Variants in SPATA6L observed in about 807,000 individuals in gnomAD.
SPATA6L encodes the protein spermatogenesis associated 6-like protein.
SPATA6L carries 68 observed loss-of-function variants against 49.2 expected under a neutral mutation model. That is an observed-to-expected ratio of 1.38 (90% CI 1.14 to 1.69). The LOEUF (loss-of-function observed/expected upper bound fraction) is 1.69. Ranked by LOEUF, SPATA6L falls within the 40% of genes most tolerant of loss-of-function variation. SPATA6L has a pLI of 0.00. For missense variants in SPATA6L, 668 were observed against 464.3 expected, an observed-to-expected ratio of 1.44 and a Z score of -4.03; for synonymous variants, 198 against 165.7, an observed-to-expected ratio of 1.19 and a Z score of -1.50.
At chr9:4,655,763 C>A (rs1011007952) in intron 3 of SPATA6L, among the ~76,000 whole-genome samples, 4 of 152,120 alleles carry the variant, frequency 2.6e-5, no homozygotes, top group African/African-American at 9.7e-5. Flanking sequence ...GCTGACCAGG[C>A]TGGTCTCAAA....
At chr9:4,609,426 A>C (rs1214839619) in intron 9 of SPATA6L, among the ~76,000 whole-genome samples, 1 of 152,240 alleles carries the variant, frequency 6.6e-6, no homozygotes, top group Non-Finnish European at 1.5e-5. Context: ...ATCCAGCAGC[A>C]CATCAAAAAG....
chr9:4,637,810 G>A (rs1255042162), intron 3 of SPATA6L, among the ~76,000 whole-genome samples: 3 of 152,112 alleles, frequency 2.0e-5, no homozygotes, highest in African/African-American at 7.2e-5. Context: ...AAGATAACTT[G>A]CTTAAGTTCC....
At chr9:4,631,110 C>T (rs1831442665) in intron 4 of SPATA6L, among the ~76,000 whole-genome samples, 1 of 152,206 alleles carries the variant, frequency 6.6e-6, no homozygotes, top group Admixed American at 6.5e-5. Context: ...GACCTCCACT[C>T]CTTGCAATGA....
downstream of SPATA6L, among the ~76,000 whole-genome samples, chr9:4,593,488 G>T (rs301441): frequency 1.3e-5 from 2 of 152,072 alleles, no homozygotes; most frequent in African/African-American, 4.8e-5. Flanking sequence ...ATGGGGAGTT[G>T]TCAGGATAAA....
chr9:4,645,774 T>C lies in SPATA6L; in HGVS notation c.226+10267A>G, dbSNP rs557246684. Among the ~76,000 whole-genome samples, 4 of 152,270 alleles carry C rather than the reference T, an allele frequency of 2.6e-5. No individual in the cohort carries two copies. The South Asian group carries it at 8.3e-4, about 32-fold the overall frequency. On this transcript the variant is annotated intron_variant, in intron 3 of 11. Transcript: ENST00000682582. The stretch of plus-strand genomic sequence containing the variant: ...CACATATTGTAGGCTTCTATTTATA[T>C]GAAATGTCTAGAATGAGAAAATCAA...
At chr9:4,660,196 A>C (rs968713788) in intron 2 of SPATA6L, among the ~76,000 whole-genome samples, 3 of 152,242 alleles carry the variant, frequency 2.0e-5, no homozygotes, top group African/African-American at 7.2e-5. Context: ...TAATTAAACT[A>C]AAGAGCTTCT....
intron 9 of SPATA6L, 143 bp from the exon 10 acceptor site, chr9:4,605,583 A>G (rs1025217250): frequency 4.0e-5 from 24 of 598,644 alleles, no homozygotes; most frequent in Middle Eastern, 5.3e-4. Flanking sequence ...GTGTGATTTC[A>G]ATGTCTTTCT....
At chr9:4,625,624 A>C (rs1337172274) in intron 5 of SPATA6L, 58 bp from the exon 6 acceptor site, 37 of 1,269,778 alleles carry the variant, frequency 2.9e-5, no homozygotes, top group Middle Eastern at 5.5e-4. Context: ...AAGAAAATTC[A>C]ATCAGAATAT....
intron 3 of SPATA6L, among the ~76,000 whole-genome samples, chr9:4,648,691 C>T (rs1836053283): frequency 3.1e-5 from 2 of 65,102 alleles, no homozygotes; most frequent in African/African-American, 9.7e-5. Context: ...CAGAGCGAGA[C>T]CCCGTCTCGA....
chr9:4,605,851 C>T (rs1041348829), intron 9 of SPATA6L, among the ~76,000 whole-genome samples: 2 of 152,316 alleles, frequency 1.3e-5, no homozygotes, highest in East Asian at 1.9e-4. Flanking sequence ...CAGCTCCCAG[C>T]GTGAGCGACG....
rs574473654 is a variant in SPATA6L, at chr9:4,653,795, G to C, written c.226+2246C>G. On this transcript the variant is annotated intron_variant, in intron 3 of 11. Transcript: ENST00000682582. ...CAAAAACAAAAACAAAAAATAGCTA[G>C]GCATGGTGCTGTGCGCCTATAGTCC... is the stretch of plus-strand genomic sequence containing the variant. Among the ~76,000 whole-genome samples the C allele has an allele frequency of 3.3e-5, 5 of 152,244 alleles. No homozygotes were observed. The East Asian group carries it at 9.7e-4, about 29-fold the overall frequency.
intron 6 of SPATA6L, among the ~76,000 whole-genome samples, chr9:4,624,652 C>T (rs935267253): frequency 2.7e-5 from 4 of 148,976 alleles, no homozygotes; most frequent in Admixed American, 6.8e-5. Context: ...CACTAGAACA[C>T]GGAAGGCAGA....
intron 13 of SPATA6L, among the ~76,000 whole-genome samples, chr9:4,592,228 T>C (rs1010024635): frequency 2.0e-5 from 3 of 148,174 alleles, no homozygotes; most frequent in South Asian, 2.1e-4. Context: ...GGCAGGAGAA[T>C]GGCTTGAACC....
chr9:4,623,138 G>T (rs1177190909), intron 6 of SPATA6L, among the ~76,000 whole-genome samples: 5 of 152,104 alleles, frequency 3.3e-5, no homozygotes, highest in Non-Finnish European at 7.3e-5. Context: ...AAATTAGCTG[G>T]GCTTGGTGGC....
chr9:4,600,429 G>C lies in SPATA6L; in HGVS notation c.*382C>G, dbSNP rs939777434. On this transcript the variant is annotated 3_prime_UTR_variant, in exon 12 of 12. Coordinates refer to ENST00000682582, the MANE Select transcript of SPATA6L (RefSeq NM_001353486.2). Reference sequence around the variant, plus strand: ...ATTTATCAGGTTATTCCTGTGAATAGCAACTTCCTCTAGCTCATATATAAT... The same window carrying C: ...ATTTATCAGGTTATTCCTGTGAATACCAACTTCCTCTAGCTCATATATAAT... 3.4e-5 allele frequency: 5 copies of C among 147,640 alleles called. No homozygotes were observed. The highest frequency in any genetic ancestry group is 1.2e-4 in the African/African-American group (5 of 40,628). 9.1% of individuals were successfully genotyped at this position (147,640 alleles called of 1,614,324 possible).
At chr9:4,625,667 G>T (rs1830213348) in intron 5 of SPATA6L, 101 bp from the exon 6 acceptor site, 5 of 794,266 alleles carry the variant, frequency 6.3e-6, no homozygotes, top group Non-Finnish European at 7.2e-6. Flanking sequence ...AAAAATTAAG[G>T]TCAAAGATAA....
At chr9:4,604,648 G>A (rs1450876414) in intron 10 of SPATA6L, among the ~76,000 whole-genome samples, 2 of 152,154 alleles carry the variant, frequency 1.3e-5, no homozygotes. Flanking sequence ...CTACCCTGAT[G>A]GTTAGGGCAA....
At chr9:4,652,055 G>C (rs1837008433) in intron 3 of SPATA6L, among the ~76,000 whole-genome samples, 1 of 152,116 alleles carries the variant, frequency 6.6e-6, no homozygotes, top group African/African-American at 2.4e-5. Context: ...AAAATCCTAA[G>C]GAATCAGCAA....
chr9:4,666,382 TC>T lies in SPATA6L; in HGVS notation c.-133del. On this transcript the variant is annotated 5_prime_UTR_variant, in exon 1 of 12. Coordinates refer to ENST00000682582, the MANE Select transcript of SPATA6L (RefSeq NM_001353486.2). Reference sequence around the variant, plus strand: ...AGCTTCCCCAGTCCCACGCCCTTGTTCCCCTACCGTCCCCCCCAGCCCAGGT... The same window carrying T: ...AGCTTCCCCAGTCCCACGCCCTTGTTCCCTACCGTCCCCCCCAGCCCAGGT... 1.1e-6 allele frequency: 1 copy of T among 893,678 alleles called. No individual in the cohort carries two copies. The allele number at this position is 893,678 out of a possible 1,614,324, so 55.4% of individuals were successfully genotyped here.
Sources: allele counts gnomAD v4.1 joint callset (sites outside exome capture counted in the v4.1 genomes callset), GRCh38; gene constraint gnomAD v4.1.1; transcripts MANE v1.5; gene names NCBI Gene and HGNC (gene_info 2026-07-23, HGNC 2026-07-21).